Variants in HIP1 observed in about 807,000 individuals in gnomAD.
HIP1 encodes the protein huntingtin interacting protein 1, also known as huntingtin-interacting protein 1.
Under a neutral mutation model 147.6 loss-of-function variants are expected in HIP1, and 65 were observed. The ratio of observed to expected loss-of-function variants is 0.44; its 90% CI spans 0.36 to 0.54. The LOEUF (loss-of-function observed/expected upper bound fraction) is 0.54, where lower values mean the gene tolerates loss of function less well. Among genes scored for constraint, HIP1 ranks in the 20% least tolerant of loss-of-function variants. The pLI, the probability that HIP1 is intolerant of heterozygous loss-of-function variation, is 0.00. For synonymous variants in HIP1, 479 were observed against 504.0 expected (o/e 0.95, Z 0.67); for missense variants, 1,061 against 1,299.6 (o/e 0.82, Z 2.82).
At chr7:75,639,245 G>A in intron 1 of HIP1, 1 of 912,674 alleles carries the variant, frequency 1.1e-6, no homozygotes. Flanking sequence ...GAGAAAGGAA[G>A]GGGAGGGGGA....
intron 1 of HIP1, among the ~76,000 whole-genome samples, chr7:75,721,653 C>A (rs1801507298): frequency 6.6e-6 from 1 of 152,174 alleles, no homozygotes; most frequent in South Asian, 2.1e-4. Flanking sequence ...TGCAACTGTA[C>A]CTGGGAGCCC....
At chr7:75,543,578 C>G (rs1445521594) in intron 27 of HIP1, among the ~76,000 whole-genome samples, 1 of 152,072 alleles carries the variant, frequency 6.6e-6, no homozygotes, top group Non-Finnish European at 1.5e-5. Context: ...GTCTTGAACT[C>G]CCGACCTCAG....
chr7:75,592,433 G>A lies in HIP1; in HGVS notation c.266C>T (p.Ala89Val). ...VVNRLPLSSN[A>V]VLCWKFCHVF... ...ATGGCAGAACTTCCAGCAGAGCACT[G>A]CGTTGCTAGACAGAGGCAGGCGGTT... The change falls in exon 3 of 31, where the codon GCA becomes GTA. Residue 89 changes from alanine (A) to valine (V), a missense_variant. Physicochemically the swap from Ala to Val is moderately conservative, Grantham distance 64. Around this residue, in one of 3 missense-constraint regions of HIP1, gnomAD observed 225 missense variants for 292.9 expected, o/e 0.77. Transcript: ENST00000336926. 6.2e-7 allele frequency: 1 copy of A among 1,612,666 alleles called. No homozygotes were observed.
chr7:75,564,293 TTTTGTTTG>T (rs201311651), intron 9 of HIP1, among the ~76,000 whole-genome samples: 8,482 of 152,230 alleles, frequency 0.056, 329 homozygotes, highest in African/African-American at 0.095. Context: ...TTCATTTTTA[TTTTGTTTG>T]TTTATTTTTT....
At chr7:75,634,382 C>A (rs4731227) in intron 1 of HIP1, among the ~76,000 whole-genome samples, 1 of 152,054 alleles carries the variant, frequency 6.6e-6, no homozygotes, top group Non-Finnish European at 1.5e-5. Context: ...AGGCCACGAC[C>A]CCCAGCTCAT....
intron 1 of HIP1, among the ~76,000 whole-genome samples, chr7:75,646,534 A>G (rs1382774321): frequency 6.6e-6 from 1 of 152,216 alleles, no homozygotes; most frequent in African/African-American, 2.4e-5. Context: ...GAGCTTCACC[A>G]ATGTGGACAC....
chr7:75,621,722 C>T (rs1797853362), intron 1 of HIP1, among the ~76,000 whole-genome samples: 2 of 152,050 alleles, frequency 1.3e-5, no homozygotes, highest in Admixed American at 1.3e-4. Context: ...GAGGAGGTGT[C>T]GAGACGTGGT....
chr7:75,556,251 G>T, intron 17 of HIP1, 82 bp from the exon 18 acceptor site: 1 of 1,510,504 alleles, frequency 6.6e-7, no homozygotes, highest in Non-Finnish European at 9.0e-7. Flanking sequence ...ACCCACCACC[G>T]GGTTGCAAGG....
chr7:75,663,800 G>A (rs1799389897), intron 1 of HIP1, among the ~76,000 whole-genome samples: 1 of 151,098 alleles, frequency 6.6e-6, no homozygotes, highest in South Asian at 2.1e-4. Flanking sequence ...GTGATAATTT[G>A]ACTTCTAGTT....
At chr7:75,564,328 C>CT (rs1212907377) in intron 9 of HIP1, among the ~76,000 whole-genome samples, 1 of 146,642 alleles carries the variant, frequency 6.8e-6, no homozygotes, top group Non-Finnish European at 1.5e-5. Context: ...GAGTGTCGCT[C>CT]TTATTGCCCA....
At chr7:75,684,812 C>T (rs2117280492) in intron 1 of HIP1, among the ~76,000 whole-genome samples, 1 of 152,250 alleles carries the variant, frequency 6.6e-6, no homozygotes, top group East Asian at 1.9e-4. Context: ...TCTGTTTTGG[C>T]CAGGCATGGT....
At chr7:75,614,806 C>G (rs1171465157) in intron 1 of HIP1, among the ~76,000 whole-genome samples, 4 of 151,972 alleles carry the variant, frequency 2.6e-5, no homozygotes, top group Admixed American at 1.3e-4. Flanking sequence ...CGGAGTCTCA[C>G]TCTGTCACCC....
At chr7:75,731,541 C>G (rs1348288951) in intron 1 of HIP1, among the ~76,000 whole-genome samples, 2 of 150,384 alleles carry the variant, frequency 1.3e-5, no homozygotes, top group Admixed American at 1.3e-4. Context: ...ATGGGGTTCA[C>G]GAGCAGCTCT....
intron 1 of HIP1, among the ~76,000 whole-genome samples, chr7:75,686,243 AT>A (rs1554517584): frequency 6.6e-6 from 1 of 152,194 alleles, no homozygotes; most frequent in Non-Finnish European, 1.5e-5. Flanking sequence ...AAGGTTGTCA[AT>A]TTTATCAACA....
chr7:75,587,893 A>T (rs1328308608), intron 4 of HIP1, among the ~76,000 whole-genome samples: 1 of 152,174 alleles, frequency 6.6e-6, no homozygotes, highest in Non-Finnish European at 1.5e-5. Flanking sequence ...GAGCCCAGGA[A>T]GTTGAGGCTG....
chr7:75,626,115 A>T (rs918778970), intron 1 of HIP1: 1 of 152,230 alleles, frequency 6.6e-6, no homozygotes, highest in South Asian at 2.1e-4. Flanking sequence ...ATAAGCTTCT[A>T]TTGTTTATAG....
At chr7:75,723,858 T>G (rs1801569964) in intron 1 of HIP1, among the ~76,000 whole-genome samples, 2 of 152,012 alleles carry the variant, frequency 1.3e-5, no homozygotes, top group South Asian at 4.2e-4. Context: ...TCTGCAATCC[T>G]CCCACCTCAG....
chr7:75,700,322 G>T (rs1452522955), intron 1 of HIP1, among the ~76,000 whole-genome samples: 1 of 152,136 alleles, frequency 6.6e-6, no homozygotes, highest in Non-Finnish European at 1.5e-5. Context: ...ATCAAGCCAG[G>T]TTCAGCCCTG....
chr7:75,714,771 A>G (rs781987569), intron 1 of HIP1, among the ~76,000 whole-genome samples: 4 of 152,082 alleles, frequency 2.6e-5, no homozygotes, highest in Non-Finnish European at 5.9e-5. Flanking sequence ...ATCTTCTATA[A>G]CCATGGAAGA....
Sources: gnomAD v4.1 joint callset for allele counts (sites outside exome capture counted in the v4.1 genomes callset) on GRCh38, gnomAD v4.1.1 for gene constraint, gnomAD v4.1.1 regional missense constraint, MANE v1.5 for transcripts, NCBI Gene and HGNC (gene_info 2026-07-23, HGNC 2026-07-21) for gene names.